The following UNK variants were observed in gnomAD, a reference collection of about 807,000 sequenced individuals.
UNK encodes unk zinc finger.
Under a neutral mutation model 97.6 loss-of-function variants are expected in UNK, and 32 were observed. The ratio of observed to expected loss-of-function variants is 0.33; its 90% CI spans 0.25 to 0.44. The LOEUF (loss-of-function observed/expected upper bound fraction) is 0.44, where lower values mean the gene tolerates loss of function less well. UNK is among the 20% of genes least tolerant of loss of function. The pLI is 1.00. For synonymous variants in UNK, 441 were observed against 461.2 expected (o/e 0.96, Z 0.56); for missense variants, 771 against 1,098.4 (o/e 0.70, Z 4.21).
At chr17:75,805,549 CT>C (rs2061904659) in intron 1 of UNK, among the ~76,000 whole-genome samples, 1 of 152,016 alleles carries the variant, frequency 6.6e-6, no homozygotes, top group Non-Finnish European at 1.5e-5. Context: ...AATCCCAGCA[CT>C]TTGGGAGGTC....
intron 1 of UNK, among the ~76,000 whole-genome samples, chr17:75,807,606 C>T (rs1230221754): frequency 6.6e-6 from 1 of 152,202 alleles, no homozygotes; most frequent in East Asian, 1.9e-4. Flanking sequence ...GCACACGCCA[C>T]CACGCCCAGC....
At chr17:75,793,482 G>A in intron 1 of UNK, 1 of 985,264 alleles carries the variant, frequency 1.0e-6, no homozygotes, top group Non-Finnish European at 1.2e-6. Context: ...CTGAGGAGAA[G>A]GAGAAGATGG....
chr17:75,808,215 C>T (rs538018319), intron 1 of UNK, among the ~76,000 whole-genome samples: 44 of 152,264 alleles, frequency 2.9e-4, no homozygotes, highest in African/African-American at 8.9e-4. Context: ...CAGTGCCAGG[C>T]GTGGTACCTT....
chr17:75,785,074 C>T (rs2061694672), intron 1 of UNK, 90 bp downstream of exon 1: 1 of 857,512 alleles, frequency 1.2e-6, no homozygotes, highest in Non-Finnish European at 1.7e-6. Flanking sequence ...CGCGAGGCGG[C>T]CTCTTCCTCC....
At chr17:75,822,447 G>GA in intron 13 of UNK, 30 bp from the exon 14 acceptor site, 2 of 1,586,490 alleles carry the variant, frequency 1.3e-6, no homozygotes, top group Non-Finnish European at 1.7e-6. Context: ...AAGCCCTCCG[G>GA]AGCTGATGTT....
intron 13 of UNK, 58 bp downstream of exon 13, chr17:75,820,166 G>A (rs1299690934): frequency 5.8e-6 from 9 of 1,539,116 alleles, no homozygotes; most frequent in Admixed American, 1.9e-5. Flanking sequence ...GCCTTTAGGA[G>A]GTGCCTCTGG....
chr17:75,816,763 C>T lies in UNK; in HGVS notation c.962-7C>T, dbSNP rs768543372. Reference sequence around the variant, plus strand: ...GGCCTGCTGACCCCTGCCCCTGACTCTTGCAGAGCCACCCCTGAGTGACGA... The same window carrying T: ...GGCCTGCTGACCCCTGCCCCTGACTTTTGCAGAGCCACCCCTGAGTGACGA... On this transcript the variant is annotated splice_region_variant and splice_polypyrimidine_tract_variant and intron_variant, in intron 7 of 15. Transcript: ENST00000589666. The surrounding 1 kb of genome is among the most constrained non-coding windows in gnomAD (Gnocchi z 4.0). 1.0e-5 allele frequency: 16 copies of T among 1,598,140 alleles called. No individual in the cohort carries two copies. In the African/African-American group the frequency reaches 2.0e-4, roughly 20 times the overall value.
intron 13 of UNK, chr17:75,821,906 C>G: frequency 2.8e-6 from 1 of 351,460 alleles, no homozygotes; most frequent in Non-Finnish European, 5.6e-6. Flanking sequence ...TGTCTGTGTC[C>G]TGGCCCTACC....
At position 75,823,541 on chromosome 17, in the gene UNK, G is replaced by A. The variant is rs375571645; in HGVS notation, c.2277+19G>A. 9.1e-5 allele frequency: 139 copies of A among 1,523,680 alleles called. No individual in the cohort carries two copies. The highest frequency in any genetic ancestry group is 1.0e-4 in the Non-Finnish European group (117 of 1,129,608). The allele number at this position is 1,523,680 out of a possible 1,614,324, so 94.4% of individuals were successfully genotyped here. A position where few individuals can be genotyped will look rare whatever the true frequency, so the allele number is the denominator to read the frequency against. On this transcript the variant is annotated intron_variant, in intron 15 of 15. Coordinates refer to ENST00000589666, the MANE Select transcript of UNK (RefSeq NM_001080419.3). ...GGACAAGGTCAGCCCAGGTCGGGGA[G>A]CACTGGGTGGGATGCACGGTGGCCT...
intron 2 of UNK, among the ~76,000 whole-genome samples, chr17:75,810,847 G>A (rs1043600588): frequency 6.6e-6 from 1 of 152,126 alleles, no homozygotes; most frequent in South Asian, 2.1e-4. Context: ...TGCTGACCAG[G>A]CTAGTCTCGA....
intron 5 of UNK, 137 bp from the exon 6 acceptor site, chr17:75,813,624 C>T (rs1032708275): frequency 6.8e-6 from 5 of 738,594 alleles, no homozygotes; most frequent in Non-Finnish European, 1.1e-5. Context: ...GCTTGTGGCA[C>T]CAGCAAGGCC....
chr17:75,797,119 GCAGAATCCTAT>G (rs1478652190), intron 1 of UNK, among the ~76,000 whole-genome samples: 2 of 152,160 alleles, frequency 1.3e-5, no homozygotes, highest in Non-Finnish European at 2.9e-5. Context: ...AGTGCTAGTT[GCAGAATCCTAT>G]CATATTGTGG....
At chr17:75,788,836 T>TA (rs2061737381) in intron 1 of UNK, among the ~76,000 whole-genome samples, 1 of 152,236 alleles carries the variant, frequency 6.6e-6, no homozygotes, top group Admixed American at 6.5e-5. Context: ...TAATTTTGTA[T>TA]AGTTTTATAC....
chr17:75,818,282 C>A lies in UNK; in HGVS notation c.1371+114C>A. On this transcript the variant is annotated intron_variant, in intron 10 of 15. Transcript: ENST00000589666. This position sits in a 1 kb window ranked among gnomAD's most constrained non-coding sequence, Gnocchi z 5.1. ...CTTTTCCCAAAAGCTGAGGGCAGGA[C>A]TAAAGTGGGGTCCCAGCCACAAATC... The A allele has an allele frequency of 8.2e-7, 1 of 1,221,108 alleles. No individual in the cohort carries two copies. Among genetic ancestry groups the A allele is most frequent in the Non-Finnish European group, 1.2e-6 (1 of 863,222 alleles). The allele number at this position is 1,221,108 out of a possible 1,614,324, so 75.6% of individuals were successfully genotyped here. A position where few individuals can be genotyped will look rare whatever the true frequency, so the allele number is the denominator to read the frequency against.
intron 1 of UNK, among the ~76,000 whole-genome samples, chr17:75,806,515 T>C (rs1033910414): frequency 1.3e-5 from 2 of 150,580 alleles, no homozygotes; most frequent in Non-Finnish European, 1.5e-5. Flanking sequence ...GGCTCACGCC[T>C]GTAATCCCAG....
chr17:75,801,034 G>A (rs546266476), intron 1 of UNK, among the ~76,000 whole-genome samples: 27 of 151,944 alleles, frequency 1.8e-4, no homozygotes, highest in Admixed American at 3.3e-4. Context: ...CTCCTGAGTA[G>A]CTGGGACTAC....
At chr17:75,821,270 C>A in intron 13 of UNK, 1 of 402,046 alleles carries the variant, frequency 2.5e-6, no homozygotes. Context: ...CCTTCCTGCA[C>A]CATGTGACTA....
intron 15 of UNK, 137 bp downstream of exon 15, chr17:75,823,659 A>T: frequency 7.8e-7 from 1 of 1,282,470 alleles, no homozygotes; most frequent in African/African-American, 1.5e-5. Flanking sequence ...AGCACTCAAA[A>T]GGCCGGCCTG....
chr17:75,791,476 A>G (rs970070818), intron 1 of UNK, among the ~76,000 whole-genome samples: 1 of 152,242 alleles, frequency 6.6e-6, no homozygotes, highest in East Asian at 1.9e-4. Context: ...GCACAACAGA[A>G]GTCATTGGAA....
Sources: gnomAD v4.1 joint callset for allele counts (sites outside exome capture counted in the v4.1 genomes callset) on GRCh38, gnomAD v4.1.1 for gene constraint, Gnocchi (gnomAD v3.1) non-coding constraint, MANE v1.5 for transcripts, NCBI Gene and HGNC (gene_info 2026-07-23, HGNC 2026-07-21) for gene names.